The following ZNF30 variants were observed in gnomAD, a reference collection of about 807,000 sequenced individuals.
ZNF30 encodes zinc finger protein 30, also known as zinc finger protein 30 (KOX 28).
Under a neutral mutation model 13.2 loss-of-function variants are expected in ZNF30, and 15 were observed. The ratio of observed to expected loss-of-function variants is 1.13; its 90% confidence interval spans 0.76 to 1.75. The LOEUF is 1.75. Ranked by LOEUF, ZNF30 falls within the 40% of genes most tolerant of loss-of-function variation. The pLI is 0.00. For synonymous variants in ZNF30, 223 were observed against 256.6 expected (o/e 0.87, Z 1.25); for missense variants, 726 against 757.0 (o/e 0.96, Z 0.48).
intron 4 of ZNF30, among the ~76,000 whole-genome samples, chr19:34,937,997 T>G (rs2151670997): frequency 6.6e-6 from 1 of 152,244 alleles, no homozygotes; most frequent in East Asian, 1.9e-4. Flanking sequence ...GGTTTCATCA[T>G]GTTGTCCAGG....
intron 3 of ZNF30, among the ~76,000 whole-genome samples, chr19:34,932,721 A>C (rs983061409): frequency 2.6e-5 from 4 of 152,154 alleles, no homozygotes; most frequent in African/African-American, 9.7e-5. Flanking sequence ...CGGTAGCAGA[A>C]ACTTGAACCC....
chr19:34,942,335 T>C (rs2013085351), intron 4 of ZNF30, among the ~76,000 whole-genome samples: 1 of 151,720 alleles, frequency 6.6e-6, no homozygotes, highest in African/African-American at 2.4e-5. Context: ...GTCCCAGCTA[T>C]CCAGGAGGCT....
At chr19:34,942,127 G>A (rs901341818) in intron 4 of ZNF30, among the ~76,000 whole-genome samples, 1 of 152,138 alleles carries the variant, frequency 6.6e-6, no homozygotes, top group African/African-American at 2.4e-5. Context: ...TTTGTATGGA[G>A]ATATTTTATT....
intron 4 of ZNF30, among the ~76,000 whole-genome samples, chr19:34,935,661 G>A (rs1211584848): frequency 6.8e-6 from 1 of 147,118 alleles, no homozygotes; most frequent in African/African-American, 2.5e-5. Flanking sequence ...CATTTTGAGG[G>A]TACCTCTTCA....
At chr19:34,942,421 G>A (rs1020486723) in intron 4 of ZNF30, among the ~76,000 whole-genome samples, 32 of 151,566 alleles carry the variant, frequency 2.1e-4, no homozygotes, top group Admixed American at 9.2e-4. Flanking sequence ...CACTCCAGCC[G>A]GGGCAAGAGT....
chr19:34,932,613 A>G (rs2012510646), intron 3 of ZNF30, among the ~76,000 whole-genome samples: 1 of 152,146 alleles, frequency 6.6e-6, no homozygotes, highest in Non-Finnish European at 1.5e-5. Context: ...TTTTAACCTT[A>G]CAAGCACTCT....
chr19:34,931,337 T>C (rs1460034952), intron 2 of ZNF30, among the ~76,000 whole-genome samples: 1 of 152,224 alleles, frequency 6.6e-6, no homozygotes, highest in African/African-American at 2.4e-5. Context: ...AGATAACTTT[T>C]ATGTCACTTT....
chr19:34,935,272 G>A (rs904548964), intron 4 of ZNF30, among the ~76,000 whole-genome samples: 9 of 151,948 alleles, frequency 5.9e-5, no homozygotes, highest in Non-Finnish European at 1.0e-4. Context: ...ATAAAATAAC[G>A]TCAGGCTTAC....
Position 34,944,709 on chromosome 19 carries a change from A to G in ZNF30, c.1743A>G (p.Ser581=). 1 of 1,612,578 alleles carries G rather than the reference A, an allele frequency of 6.2e-7. No homozygotes were observed. The highest frequency in any genetic ancestry group is 8.5e-7 in the Non-Finnish European group (1 of 1,178,814). The change falls in exon 5 of 5, where the codon TCA becomes TCG. Residue 581 remains serine, a synonymous_variant. Coordinates refer to ENST00000601142, the MANE Select transcript of ZNF30 (RefSeq NM_194325.3). ...GCGGGAAGGCCTTTAGACTTAATTC[A>G]TTCCTTACTGAACATCAGCGGGTAC... ...KECGKAFRLN[S]FLTEHQRVHT... is the part of the protein sequence containing the mutation.
intron 4 of ZNF30, among the ~76,000 whole-genome samples, chr19:34,939,137 C>A (rs2012896712): frequency 1.0e-5 from 1 of 99,964 alleles, no homozygotes; most frequent in Non-Finnish European, 1.9e-5. Context: ...CTCCCCTCCC[C>A]TCCCCTCCCC....
chr19:34,943,962 T>A lies in ZNF30; in HGVS notation c.996T>A (p.Thr332=). Residue 332 remains threonine, a synonymous_variant, in exon 5 of 5, where the codon ACT becomes ACA. Transcript: ENST00000601142. ...GKSFTVYGQL[T]RHQSIHTGEK... is the part of the protein sequence containing the mutation. Reference sequence around the variant, plus strand: ...CCTTCACTGTGTATGGACAGCTTACTCGACATCAGAGTATTCATACTGGTG... The same window carrying A: ...CCTTCACTGTGTATGGACAGCTTACACGACATCAGAGTATTCATACTGGTG... 6.2e-7 allele frequency: 1 copy of A among 1,614,102 alleles called. No individual in the cohort carries two copies. The highest frequency in any genetic ancestry group is 8.5e-7 in the Non-Finnish European group (1 of 1,180,022).
intron 4 of ZNF30, among the ~76,000 whole-genome samples, chr19:34,936,535 A>G (rs1022588485): frequency 3.9e-5 from 6 of 152,028 alleles, no homozygotes; most frequent in African/African-American, 9.7e-5. Context: ...CATCCAAGCA[A>G]AGATGCCAAG....
At chr19:34,928,220 A>AAAAT (rs1555778254) in intron 1 of ZNF30, among the ~76,000 whole-genome samples, 1,320 of 72,972 alleles carry the variant, frequency 0.018, 9 homozygotes, top group Non-Finnish European at 0.025. Flanking sequence ...AAAAAAAAAA[A>AAAAT]ATATATATAT....
chr19:34,931,944 C>T lies in ZNF30; in HGVS notation c.111C>T (p.Gly37=). The T allele has an allele frequency of 6.2e-7, 1 of 1,612,144 alleles. No individual in the cohort carries two copies. Among genetic ancestry groups the T allele is most frequent in the Non-Finnish European group, 8.5e-7 (1 of 1,179,316 alleles). Residue 37 remains glycine (G), a synonymous_variant, in exon 3 of 5, where the codon GGC becomes GGT. Transcript: ENST00000601142. The part of the protein sequence containing the change: ...EWESLDSSQR[G]LYRDVMLENY... ...AGAGTCTGGACTCTTCCCAGAGGGGCTTGTACAGAGATGTGATGTTGGAGA... is the reference window on the plus strand; with the variant it reads ...AGAGTCTGGACTCTTCCCAGAGGGGTTTGTACAGAGATGTGATGTTGGAGA...
intron 4 of ZNF30, among the ~76,000 whole-genome samples, chr19:34,940,434 G>A (rs898540498): frequency 3.3e-5 from 5 of 152,016 alleles, no homozygotes; most frequent in African/African-American, 9.7e-5. Context: ...TTGGGAGGTC[G>A]AGACAGGCAG....
intron 4 of ZNF30, 33 bp from the exon 5 acceptor site, chr19:34,943,190 G>T: frequency 1.4e-6 from 2 of 1,388,624 alleles, no homozygotes; most frequent in Admixed American, 3.1e-5. Context: ...TTTTCAAATA[G>T]AAAAATAAGA....
intron 4 of ZNF30, among the ~76,000 whole-genome samples, chr19:34,941,548 A>T (rs1411858762): frequency 6.6e-6 from 1 of 152,250 alleles, no homozygotes; most frequent in African/African-American, 2.4e-5. Flanking sequence ...GGCGTGAGCC[A>T]CTGCACCCAG....
rs1343326038 is a variant in ZNF30 at position 34,944,332 on chromosome 19, T to C, written c.1366T>C (p.Tyr456His). ...AAGGGTTCATACTGGAGAGAAACCC[T>C]ATGAGTGTAAGGAATGTGGCAAGGC... Reference protein sequence around the residue: ...HQRVHTGEKPYECKECGKAFR... With the variant: ...HQRVHTGEKPHECKECGKAFR... The change falls in exon 5 of 5, where the codon TAT becomes CAT. Residue 456 changes from tyrosine (Y) to histidine (H), a missense_variant. By Grantham distance (83) the Tyr-to-His change is moderately conservative. Transcript: ENST00000601142. 1.2e-6 allele frequency: 2 copies of C among 1,614,142 alleles called. No homozygotes were observed. Among genetic ancestry groups the C allele is most frequent in the East Asian group, 2.2e-5 (1 of 44,888 alleles).
chr19:34,940,703 T>G (rs1434729769), intron 4 of ZNF30, among the ~76,000 whole-genome samples: 2 of 147,828 alleles, frequency 1.4e-5, no homozygotes, highest in East Asian at 4.0e-4. Flanking sequence ...TAGAATATCA[T>G]ATGGATTATT....
Sources: gnomAD v4.1 joint callset for allele counts (sites outside exome capture counted in the v4.1 genomes callset) on GRCh38, gnomAD v4.1.1 for gene constraint, MANE v1.5 for transcripts, NCBI Gene and HGNC (gene_info 2026-07-23, HGNC 2026-07-21) for gene names.